Variants in SAMD5 observed in about 807,000 individuals in gnomAD.
The protein encoded by SAMD5 is sterile alpha motif domain containing 5, also known as sterile alpha motif domain-containing protein 5.
In SAMD5, 13 loss-of-function variants were observed where a neutral mutation model predicts 11.3. That is an observed-to-expected ratio of 1.15 (90% CI 0.75 to 1.83). The LOEUF is 1.83. Ranked by LOEUF, SAMD5 falls within the 40% of genes most tolerant of loss-of-function variation. The pLI, the probability that SAMD5 is intolerant of heterozygous loss-of-function variation, is 0.00. For missense variants in SAMD5, 255 were observed against 239.1 expected (o/e 1.07, Z -0.44); for synonymous variants, 129 against 111.3 (o/e 1.16, Z -1.00).
At chr6:147,734,760 A>C (rs1430817027) in intron 1 of SAMD5, among the ~76,000 whole-genome samples, 1 of 150,750 alleles carries the variant, frequency 6.6e-6, no homozygotes, top group Non-Finnish European at 1.5e-5. Context: ...AACACAAATC[A>C]AATATCTGGA....
chr6:147,702,515 G>A (rs918707718), intron 1 of SAMD5, among the ~76,000 whole-genome samples: 1 of 152,198 alleles, frequency 6.6e-6, no homozygotes, highest in South Asian at 2.1e-4. Flanking sequence ...TTTCTACAGA[G>A]TTAGGGATAA....
At chr6:147,889,578 C>T in the SAMD5 span, among the ~76,000 whole-genome samples, 1 of 152,142 alleles carries the variant, frequency 6.6e-6, no homozygotes, top group African/African-American at 2.4e-5. Context: ...ATTTTTTATT[C>T]CTATAAATAT....
chr6:147,565,464 GT>G lies in SAMD5; in HGVS notation c.*1021del, dbSNP rs5880711. 5.3e-3 allele frequency: 4,704 copies of G among 881,730 alleles called. No individual in the cohort carries two copies. Among genetic ancestry groups the G allele is most frequent in the South Asian group, 7.4e-3 (142 of 19,116 alleles). 54.6% of individuals were successfully genotyped at this position (881,730 alleles called of 1,614,324 possible). On this transcript the variant is annotated 3_prime_UTR_variant, in exon 2 of 2. Coordinates refer to ENST00000367474, the MANE Select transcript of SAMD5 (RefSeq NM_001030060.3). The stretch of plus-strand genomic sequence containing the variant: ...TCGTTCTTGTGTTTGGATGCTGGTA[GT>G]TTTTTTTTTTTTAGACAGAGTCTCG...
chr6:147,567,689 G>A lies in SAMD5; in HGVS notation c.*3233G>A, dbSNP rs1789064777. 1 of 984,814 alleles carries A rather than the reference G, an allele frequency of 1.0e-6. No individual in the cohort carries two copies. Among genetic ancestry groups the A allele is most frequent in the Admixed American group, 6.2e-5 (1 of 16,246 alleles). The allele number at this position is 984,814 out of a possible 1,614,324, so 61.0% of individuals were successfully genotyped here. A position where few individuals can be genotyped will look rare whatever the true frequency, so the allele number is the denominator to read the frequency against. ...TCTCAGTTGTCTTATTTCTTCTTAT[G>A]CAGAAGAGATTACCTTAAAGCTGAC... is the stretch of plus-strand genomic sequence containing the variant. On this transcript the variant is annotated 3_prime_UTR_variant, in exon 2 of 2. Transcript: ENST00000367474.
the SAMD5 span, among the ~76,000 whole-genome samples, chr6:147,937,620 G>T: frequency 6.6e-6 from 1 of 152,158 alleles, no homozygotes; most frequent in African/African-American, 2.4e-5. Context: ...AAAGAATTAC[G>T]TTTCAGGGGA....
rs2128445075 is a variant in SAMD5 at position 147,568,675 on chromosome 6, A to G, written c.*4219A>G. On this transcript the variant is annotated 3_prime_UTR_variant, in exon 2 of 2. Transcript: ENST00000367474. ...TTAAATCAAATGAGTTGTGCAGAGC[A>G]GAGCAAATCTATTAGGCTTTCTCTT... 1.0e-6 allele frequency: 1 copy of G among 985,426 alleles called. No homozygotes were observed. 61.0% of individuals were successfully genotyped at this position (985,426 alleles called of 1,614,324 possible).
chr6:147,812,883 T>C, the SAMD5 span, among the ~76,000 whole-genome samples: 4 of 152,220 alleles, frequency 2.6e-5, no homozygotes, highest in Non-Finnish European at 2.9e-5. Flanking sequence ...AACATTTCCA[T>C]TCAAGAGTAT....
chr6:147,523,488 CA>C (rs1219205540), intron 1 of SAMD5, among the ~76,000 whole-genome samples: 1 of 152,098 alleles, frequency 6.6e-6, no homozygotes, highest in Non-Finnish European at 1.5e-5. Flanking sequence ...CCAAGGTAAC[CA>C]TCAATCATGC....
chr6:147,835,370 C>T, the SAMD5 span, among the ~76,000 whole-genome samples: 1 of 152,252 alleles, frequency 6.6e-6, no homozygotes, highest in East Asian at 1.9e-4. Context: ...GTGACATCTT[C>T]CCTCTCAAAG....
chr6:147,859,733 ACT>A, the SAMD5 span, among the ~76,000 whole-genome samples: 2 of 150,978 alleles, frequency 1.3e-5, no homozygotes, highest in Non-Finnish European at 3.0e-5. Context: ...TACAGTTCTT[ACT>A]CTGTTTTTTG....
the SAMD5 span, among the ~76,000 whole-genome samples, chr6:147,855,529 G>C: frequency 6.6e-6 from 1 of 151,996 alleles, no homozygotes; most frequent in Non-Finnish European, 1.5e-5. Context: ...TTTACTCAAA[G>C]GATTAACTTG....
At chr6:147,902,985 C>T in the SAMD5 span, among the ~76,000 whole-genome samples, 1 of 152,096 alleles carries the variant, frequency 6.6e-6, no homozygotes, top group African/African-American at 2.4e-5. Flanking sequence ...AGTTTTTATA[C>T]ACCTTCCAAA....
the SAMD5 span, among the ~76,000 whole-genome samples, chr6:147,785,716 G>A: frequency 6.6e-6 from 1 of 152,008 alleles, no homozygotes; most frequent in Non-Finnish European, 1.5e-5. Context: ...TGAGTACAAG[G>A]GACAAAAAGT....
At chr6:147,904,853 T>G in the SAMD5 span, among the ~76,000 whole-genome samples, 1 of 151,904 alleles carries the variant, frequency 6.6e-6, no homozygotes, top group Admixed American at 6.6e-5. Flanking sequence ...AGAACATAAC[T>G]CAAAACTAAC....
chr6:147,795,192 T>A, the SAMD5 span, among the ~76,000 whole-genome samples: 1 of 141,250 alleles, frequency 7.1e-6, no homozygotes, highest in Non-Finnish European at 1.5e-5. Context: ...ATTAGGTATA[T>A]CTCCCAATGC....
chr6:147,760,250 A>G, the SAMD5 span, among the ~76,000 whole-genome samples: 6 of 152,110 alleles, frequency 3.9e-5, no homozygotes, highest in Non-Finnish European at 8.8e-5. Flanking sequence ...TTCTACCACC[A>G]TCTGCCGAGC....
chr6:147,602,551 C>T (rs1789637844), intron 1 of SAMD5, among the ~76,000 whole-genome samples: 1 of 152,126 alleles, frequency 6.6e-6, no homozygotes, highest in South Asian at 2.1e-4. Flanking sequence ...CAAGACCAGC[C>T]TGGCCAACAT....
chr6:147,513,451 A>G (rs1377114836), intron 1 of SAMD5, among the ~76,000 whole-genome samples: 1 of 152,178 alleles, frequency 6.6e-6, no homozygotes, highest in Non-Finnish European at 1.5e-5. Flanking sequence ...GTGATGTAGG[A>G]GACCCAGGAG....
chr6:147,917,442 A>C, the SAMD5 span, among the ~76,000 whole-genome samples: 8 of 151,984 alleles, frequency 5.3e-5, no homozygotes, highest in South Asian at 1.7e-3. Flanking sequence ...AGTTCACTGT[A>C]GATTCTGGAT....
Sources: allele counts gnomAD v4.1 joint callset (sites outside exome capture counted in the v4.1 genomes callset), GRCh38; gene constraint gnomAD v4.1.1; transcripts MANE v1.5; gene names NCBI Gene and HGNC (gene_info 2026-07-23, HGNC 2026-07-21).